FRY: variants seen among roughly 807,000 people sequenced by gnomAD.
FRY encodes the protein protein furry homolog.
In FRY, 128 loss-of-function variants were observed where a neutral mutation model predicts 348.4. That is an observed-to-expected ratio of 0.37 (90% CI 0.32 to 0.43). The LOEUF is 0.43. FRY is among the 20% of genes least tolerant of loss of function. The pLI is 1.00. For missense variants in FRY, 2,736 were observed against 3,695.2 expected (o/e 0.74, Z 6.73); for synonymous variants, 1,370 against 1,374.7 (o/e 1.00, Z 0.08).
chr13:32,249,459 G>C, intron 48 of FRY, 67 bp from the exon 49 acceptor site: 2 of 1,555,308 alleles, frequency 1.3e-6, no homozygotes, highest in Non-Finnish European at 1.8e-6. Context: ...GTTGCTTCTG[G>C]GGAGAAGGGT....
intron 28 of FRY, among the ~76,000 whole-genome samples, chr13:32,188,078 G>A (rs1883127569): frequency 6.6e-6 from 1 of 152,110 alleles, no homozygotes; most frequent in African/African-American, 2.4e-5. Flanking sequence ...CTTGTGGGCT[G>A]TAAGTAAAGC....
At chr13:32,135,682 A>C (rs924238698) in intron 10 of FRY, among the ~76,000 whole-genome samples, 1 of 152,208 alleles carries the variant, frequency 6.6e-6, no homozygotes, top group Non-Finnish European at 1.5e-5. Context: ...ACTGAAGAGC[A>C]GTATAGAAAA....
intron 4 of FRY, among the ~76,000 whole-genome samples, chr13:32,122,928 C>G (rs1255971446): frequency 1.4e-5 from 2 of 145,662 alleles, no homozygotes; most frequent in African/African-American, 2.5e-5. Flanking sequence ...TAACTCAACC[C>G]CTTTTACAAT....
intron 29 of FRY, among the ~76,000 whole-genome samples, chr13:32,199,994 G>T (rs1165361077): frequency 1.3e-5 from 2 of 152,154 alleles, no homozygotes; most frequent in Non-Finnish European, 2.9e-5. Context: ...TGCTGATGGG[G>T]ACTCTCTACA....
intron 29 of FRY, among the ~76,000 whole-genome samples, chr13:32,199,676 C>G (rs1883889929): frequency 6.6e-6 from 1 of 152,084 alleles, no homozygotes; most frequent in Non-Finnish European, 1.5e-5. Flanking sequence ...CAGGGCGGAC[C>G]CTGTAGCCCT....
At chr13:32,099,919 G>C (rs558928338) in intron 2 of FRY, among the ~76,000 whole-genome samples, 2 of 152,002 alleles carry the variant, frequency 1.3e-5, no homozygotes, top group South Asian at 4.1e-4. Flanking sequence ...TGTTACTACT[G>C]ATATTATTTT....
intron 19 of FRY, 108 bp from the exon 20 acceptor site, chr13:32,175,438 T>G: frequency 1.3e-6 from 1 of 775,384 alleles, no homozygotes; most frequent in Non-Finnish European, 2.4e-6. Context: ...GAGAAAACCC[T>G]TATCACTATC....
chr13:32,199,477 G>T (rs1321976418), intron 29 of FRY, among the ~76,000 whole-genome samples: 1 of 152,182 alleles, frequency 6.6e-6, no homozygotes, highest in Admixed American at 6.5e-5. Flanking sequence ...TGCATTGAAG[G>T]AGTATTTTGA....
intron 57 of FRY, among the ~76,000 whole-genome samples, chr13:32,276,802 GA>G (rs148695855): frequency 6.7e-6 from 1 of 149,446 alleles, no homozygotes; most frequent in Admixed American, 6.7e-5. Flanking sequence ...CAAGAAATTG[GA>G]AAAAAAAATG....
chr13:32,281,096 T>C lies in FRY; in HGVS notation c.8469+2548T>C, dbSNP rs1478240103. ...TCCCTCTCTTTTCTTATGTTTTTAC[T>C]AAACCCAAGGACTCAAAAAATAGAG... On this transcript the variant is annotated intron_variant, in intron 58 of 60. Transcript: ENST00000542859. 3.3e-5 allele frequency among the ~76,000 whole-genome samples: 5 copies of C among 152,316 alleles called. No individual in the cohort carries two copies. The Middle Eastern group carries it at 0.017, about 518-fold the overall frequency.
In FRY at chr13:32,117,378, C is replaced by G; in HGVS notation, c.369C>G (p.Ser123=). Residue 123 remains serine, a synonymous_variant, in exon 4 of 61, where the codon TCC becomes TCG. Transcript: ENST00000542859. Reference sequence around the variant, plus strand: ...CCCTTTCTGAGTACTGCCTGCCTTCCATTCTACGTACATTATTTGACTGGT... The same window carrying G: ...CCCTTTCTGAGTACTGCCTGCCTTCGATTCTACGTACATTATTTGACTGGT... ...MSSLSEYCLP[S]ILRTLFDWYK... is the part of the protein sequence containing the mutation. The G allele has an allele frequency of 6.2e-7, 1 of 1,613,742 alleles. No homozygotes were observed. The highest frequency in any genetic ancestry group is 8.5e-7 in the Non-Finnish European group (1 of 1,179,666).
chr13:32,127,948 T>C (rs189277282), intron 7 of FRY, among the ~76,000 whole-genome samples: 1 of 152,358 alleles, frequency 6.6e-6, no homozygotes, highest in East Asian at 1.9e-4. Context: ...CTTTCCTTAG[T>C]ATCGTGTCAT....
chr13:32,107,218 G>A (rs151197667), intron 3 of FRY, among the ~76,000 whole-genome samples: 3,687 of 152,244 alleles, frequency 0.024, 57 homozygotes, highest in Non-Finnish European at 0.037. Context: ...TTAGCCAGAC[G>A]TGGTGGCACG....
chr13:32,173,156 A>T (rs1048690089), intron 18 of FRY, among the ~76,000 whole-genome samples: 3 of 152,210 alleles, frequency 2.0e-5, no homozygotes, highest in Non-Finnish European at 4.4e-5. Context: ...GGTTGATGGT[A>T]TTCCGCAGCA....
intron 1 of FRY, among the ~76,000 whole-genome samples, chr13:32,040,760 T>C (rs967996320): frequency 6.6e-6 from 1 of 152,240 alleles, no homozygotes; most frequent in African/African-American, 2.4e-5. Context: ...GCATGTTTTT[T>C]TTTCTATAAA....
intron 2 of FRY, among the ~76,000 whole-genome samples, chr13:32,084,459 C>T (rs1349306011): frequency 6.6e-6 from 1 of 152,186 alleles, no homozygotes; most frequent in Admixed American, 6.5e-5. Flanking sequence ...TGGAATGCCA[C>T]TCAGCTTCTC....
intron 35 of FRY, among the ~76,000 whole-genome samples, chr13:32,218,495 A>G (rs1359342230): frequency 6.6e-6 from 1 of 152,140 alleles, no homozygotes; most frequent in Non-Finnish European, 1.5e-5. Flanking sequence ...CCTGGCTAAC[A>G]TGGTGAAACC....
chr13:32,106,511 G>T (rs9525768), intron 3 of FRY, among the ~76,000 whole-genome samples: 10,172 of 152,202 alleles, frequency 0.067, 482 homozygotes, highest in Non-Finnish European at 0.1. Context: ...TCTTTCTTAT[G>T]TATGGCTTAC....
chr13:32,227,477 T>C (rs1195610121), intron 39 of FRY, among the ~76,000 whole-genome samples: 2 of 152,180 alleles, frequency 1.3e-5, no homozygotes, highest in Non-Finnish European at 2.9e-5. Context: ...TACATACTTT[T>C]TATGATTATT....
Sources: gnomAD v4.1 joint callset for allele counts (sites outside exome capture counted in the v4.1 genomes callset) on GRCh38, gnomAD v4.1.1 for gene constraint, MANE v1.5 for transcripts, NCBI Gene and HGNC (gene_info 2026-07-23, HGNC 2026-07-21) for gene names.